Variants in LIMCH1 observed in about 807,000 individuals in gnomAD.
LIMCH1 encodes LIM and calponin homology domains 1, also known as LIM and calponin homology domains-containing protein 1.
In LIMCH1, 113 loss-of-function variants were observed where a neutral mutation model predicts 176.5. The observed-to-expected ratio is 0.64, with a 90% CI of 0.55 to 0.75. The LOEUF (loss-of-function observed/expected upper bound fraction) is 0.75. LIMCH1 is among the 30% of genes least tolerant of loss of function. LIMCH1 has a pLI of 0.00. For missense variants in LIMCH1, 1,674 were observed against 1,814.9 expected (o/e 0.92, Z 1.41); for synonymous variants, 619 against 645.9 (o/e 0.96, Z 0.63).
At position 41,660,731 on chromosome 4, in the gene LIMCH1, C is replaced by T. The variant is rs181055010; in HGVS notation, c.3037-689C>T. ...ACTCTCACAGCTGGAGATGAAAATACGAGTTATACACGGAGAATGTAATGG... is the reference window on the plus strand; with the variant it reads ...ACTCTCACAGCTGGAGATGAAAATATGAGTTATACACGGAGAATGTAATGG... On this transcript the variant is annotated intron_variant, in intron 18 of 31. Coordinates refer to ENST00000503057, the MANE Select transcript of LIMCH1 (RefSeq NM_001330672.2). Among the ~76,000 whole-genome samples, 30 of 152,204 alleles carry T rather than the reference C, an allele frequency of 2.0e-4. No homozygotes were observed. The East Asian group carries it at 4.0e-3, about 21-fold the overall frequency.
chr4:41,584,821 A>G (rs147965213), intron 1 of LIMCH1, among the ~76,000 whole-genome samples: 40 of 152,334 alleles, frequency 2.6e-4, no homozygotes, highest in African/African-American at 7.9e-4. Flanking sequence ...TCAGGCTGCT[A>G]TAAGAAAATA....
At chr4:41,507,804 G>A (rs2074367132) in intron 2 of LIMCH1, among the ~76,000 whole-genome samples, 1 of 146,364 alleles carries the variant, frequency 6.8e-6, no homozygotes, top group Admixed American at 7.0e-5. Context: ...TTATGAGTGT[G>A]GTAAGTTACT....
chr4:41,390,269 A>AGAGAGAGAGAGAGAGAGAGAGC (rs760332127), intron 1 of LIMCH1, among the ~76,000 whole-genome samples: 12 of 150,420 alleles, frequency 8.0e-5, no homozygotes, highest in African/African-American at 2.5e-4. Context: ...AGAGAGAGAG[A>AGAGAGAGAGAGAGAGAGAGAGC]GAGAGCGAGA....
intron 23 of LIMCH1, among the ~76,000 whole-genome samples, chr4:41,678,712 G>A (rs1470610505): frequency 2.7e-5 from 4 of 150,640 alleles, no homozygotes; most frequent in Non-Finnish European, 4.4e-5. Flanking sequence ...GGGAGGGTGT[G>A]AGAGAGAGAG....
intron 7 of LIMCH1, among the ~76,000 whole-genome samples, chr4:41,622,806 G>A (rs1368979406): frequency 6.6e-6 from 1 of 152,134 alleles, no homozygotes; most frequent in South Asian, 2.1e-4. Flanking sequence ...TTTCATCCAA[G>A]TTAGCTCTCA....
intron 1 of LIMCH1, among the ~76,000 whole-genome samples, chr4:41,390,269 A>AGAGAGT (rs760332127): frequency 6.7e-6 from 1 of 150,304 alleles, no homozygotes; most frequent in Non-Finnish European, 1.5e-5. Flanking sequence ...AGAGAGAGAG[A>AGAGAGT]GAGAGCGAGA....
intron 1 of LIMCH1, among the ~76,000 whole-genome samples, chr4:41,578,879 T>G (rs556388746): frequency 9.9e-5 from 15 of 152,142 alleles, no homozygotes; most frequent in Admixed American, 9.8e-4. Flanking sequence ...TTTTTAAATT[T>G]TTTTATAGAG....
intron 31 of LIMCH1, 56 bp from the exon 32 acceptor site, chr4:41,697,104 T>A: frequency 3.1e-6 from 5 of 1,600,486 alleles, no homozygotes; most frequent in Non-Finnish European, 4.3e-6. Context: ...TTAAAATGTC[T>A]GAAGCGAGAA....
chr4:41,656,852 C>T (rs1048491712), intron 18 of LIMCH1, among the ~76,000 whole-genome samples: 5 of 152,168 alleles, frequency 3.3e-5, no homozygotes, highest in African/African-American at 1.2e-4. Flanking sequence ...CCGAGCTCAC[C>T]AGCAACTCCA....
chr4:41,663,278 C>G (rs185134178), intron 20 of LIMCH1, among the ~76,000 whole-genome samples: 4 of 151,838 alleles, frequency 2.6e-5, no homozygotes, highest in Non-Finnish European at 4.4e-5. Flanking sequence ...CTTAGGCTCC[C>G]GAGTAGCTGG....
chr4:41,470,799 C>A (rs1324582020), intron 1 of LIMCH1, among the ~76,000 whole-genome samples: 1 of 151,986 alleles, frequency 6.6e-6, no homozygotes, highest in East Asian at 1.9e-4. Context: ...ACACTCCATG[C>A]GTGATTTCAT....
chr4:41,429,988 T>C (rs2061451855), intron 1 of LIMCH1, among the ~76,000 whole-genome samples: 2 of 152,198 alleles, frequency 1.3e-5, no homozygotes, highest in Admixed American at 1.3e-4. Context: ...TGGCCATGCC[T>C]AACTTCACAT....
intron 1 of LIMCH1, among the ~76,000 whole-genome samples, chr4:41,582,419 C>T (rs1157382990): frequency 6.6e-6 from 1 of 152,170 alleles, no homozygotes; most frequent in African/African-American, 2.4e-5. Flanking sequence ...TATTTATAAC[C>T]TATTGACATG....
chr4:41,363,889 T>A (rs1006639457), intron 1 of LIMCH1, among the ~76,000 whole-genome samples: 6 of 152,174 alleles, frequency 3.9e-5, no homozygotes, highest in African/African-American at 1.4e-4. Flanking sequence ...AAACTTGAAG[T>A]AGTAACTGTG....
chr4:41,533,042 G>A lies in LIMCH1; in HGVS notation c.237+8564G>A, dbSNP rs142725029. 2.3e-3 allele frequency among the ~76,000 whole-genome samples: 345 copies of A among 152,268 alleles called. 1 individual carries two copies. Among genetic ancestry groups the A allele is most frequent in the African/African-American group, 8.0e-3 (334 of 41,548 alleles). On this transcript the variant is annotated intron_variant, in intron 3 of 26. Coordinates refer to the LIMCH1 transcript ENST00000313860. ...TAAGCTTACTCGTGGATATTGGCAGGATTCAGTTCCTCACAGGCTGTTGGC... is the reference window on the plus strand; with the variant it reads ...TAAGCTTACTCGTGGATATTGGCAGAATTCAGTTCCTCACAGGCTGTTGGC...
intron 5 of LIMCH1, among the ~76,000 whole-genome samples, chr4:41,617,074 T>C (rs1435780650): frequency 2.0e-5 from 3 of 151,888 alleles, no homozygotes; most frequent in Non-Finnish European, 4.4e-5. Flanking sequence ...ATAATATAAA[T>C]ATATATCTAT....
At chr4:41,371,314 C>T (rs907423182) in intron 1 of LIMCH1, among the ~76,000 whole-genome samples, 1 of 152,264 alleles carries the variant, frequency 6.6e-6, no homozygotes, top group Admixed American at 6.5e-5. Flanking sequence ...GAAACTGGAA[C>T]CCTTTCAATA....
chr4:41,639,033 A>G lies in LIMCH1; in HGVS notation c.2126+66A>G, dbSNP rs2093711009. The G allele has an allele frequency of 6.7e-6, 8 of 1,202,032 alleles. 1 individual carries two copies. The Middle Eastern group carries it at 6.0e-4, about 90-fold the overall frequency. 74.5% of individuals were successfully genotyped at this position (1,202,032 alleles called of 1,614,324 possible). On this transcript the variant is annotated intron_variant, in intron 14 of 31. Transcript: ENST00000503057. Reference sequence around the variant, plus strand: ...CCTAAACTGCATGCTTCCAGTACTTACCACTAATTGAAATGCAACTGATGC... The same window carrying G: ...CCTAAACTGCATGCTTCCAGTACTTGCCACTAATTGAAATGCAACTGATGC...
At chr4:41,661,658 T>C in intron 19 of LIMCH1, 148 bp downstream of exon 19, 2 of 676,638 alleles carry the variant, frequency 3.0e-6, no homozygotes, top group Non-Finnish European at 5.3e-6. Flanking sequence ...CCTAGAGGCT[T>C]CCTGGGGAAG....
Sources: allele counts gnomAD v4.1 joint callset (sites outside exome capture counted in the v4.1 genomes callset), GRCh38; gene constraint gnomAD v4.1.1; transcripts MANE v1.5; gene names NCBI Gene and HGNC (gene_info 2026-07-23, HGNC 2026-07-21).